WDR70: variants seen among roughly 807,000 people sequenced by gnomAD.
WDR70 encodes WD repeat-containing protein 70.
In WDR70, 53 loss-of-function variants were observed where a neutral mutation model predicts 88.6. The observed-to-expected ratio is 0.60, with a 90% CI of 0.48 to 0.75. WDR70 has a LOEUF of 0.75. Among genes scored for constraint, WDR70 ranks in the 30% least tolerant of loss-of-function variants. WDR70 has a pLI of 0.00. For missense variants in WDR70, 610 were observed against 823.2 expected (o/e 0.74, Z 3.17); for synonymous variants, 280 against 270.0 (o/e 1.04, Z -0.36).
At chr5:37,460,657 A>G (rs1358617283) in intron 7 of WDR70, among the ~76,000 whole-genome samples, 2 of 71,730 alleles carry the variant, frequency 2.8e-5, no homozygotes, top group South Asian at 2.0e-3. Context: ...AACCTGCACA[A>G]TGTGCACATG....
intron 8 of WDR70, among the ~76,000 whole-genome samples, chr5:37,495,442 A>G (rs1446238313): frequency 1.3e-5 from 2 of 148,316 alleles, no homozygotes; most frequent in East Asian, 4.0e-4. Flanking sequence ...ATTATCAGCA[A>G]TCTCTCTCTC....
intron 7 of WDR70, among the ~76,000 whole-genome samples, chr5:37,479,044 G>T (rs1739573553): frequency 6.6e-6 from 1 of 152,152 alleles, no homozygotes; most frequent in Non-Finnish European, 1.5e-5. Context: ...GAAGATAGTA[G>T]AAGTTCCTGA....
At position 37,433,683 on chromosome 5, in the gene WDR70, T is replaced by C. The variant is rs527889045; in HGVS notation, c.493-4239T>C. Among the ~76,000 whole-genome samples, 38 of 152,358 alleles carry C rather than the reference T, an allele frequency of 2.5e-4. 1 individual carries two copies. In the South Asian group the frequency reaches 7.0e-3, roughly 28 times the overall value. ...AAGATTTATATTATTCTCTCCTGGA[T>C]GTTCATCATATTCATCTAGATAACC... On this transcript the variant is annotated intron_variant, in intron 5 of 17. Coordinates refer to ENST00000265107, the MANE Select transcript of WDR70 (RefSeq NM_018034.4).
At chr5:37,740,476 C>CT (rs1290115410) in intron 17 of WDR70, among the ~76,000 whole-genome samples, 2 of 152,118 alleles carry the variant, frequency 1.3e-5, no homozygotes, top group Non-Finnish European at 2.9e-5. Flanking sequence ...GTTGAATACT[C>CT]TTTTTTTGAA....
intron 13 of WDR70, among the ~76,000 whole-genome samples, chr5:37,716,124 A>G (rs1747648206): frequency 6.6e-6 from 1 of 152,204 alleles, no homozygotes; most frequent in Non-Finnish European, 1.5e-5. Context: ...CTATATGACA[A>G]AAACCAAACG....
chr5:37,744,253 C>G (rs1157815513), intron 17 of WDR70, among the ~76,000 whole-genome samples: 2 of 152,050 alleles, frequency 1.3e-5, no homozygotes, highest in Non-Finnish European at 2.9e-5. Flanking sequence ...CAAAAAGGCC[C>G]CACAAAAACC....
intron 12 of WDR70, among the ~76,000 whole-genome samples, chr5:37,701,785 C>CAA (rs58402399): frequency 7.8e-5 from 9 of 115,048 alleles, no homozygotes; most frequent in African/African-American, 2.9e-4. Flanking sequence ...GACTCCATCT[C>CAA]AAAAAAAAAA....
At chr5:37,600,623 A>G (rs185595057) in intron 9 of WDR70, among the ~76,000 whole-genome samples, 1 of 152,346 alleles carries the variant, frequency 6.6e-6, no homozygotes, top group East Asian at 1.9e-4. Flanking sequence ...CACTAAAGAA[A>G]GATATGCAAA....
chr5:37,562,721 C>T (rs958423791), intron 9 of WDR70, among the ~76,000 whole-genome samples: 8 of 152,052 alleles, frequency 5.3e-5, no homozygotes, highest in Non-Finnish European at 7.4e-5. Context: ...CCATTCAACC[C>T]TGAGTGGACA....
At chr5:37,550,588 A>G (rs1307048379) in intron 9 of WDR70, among the ~76,000 whole-genome samples, 3 of 152,136 alleles carry the variant, frequency 2.0e-5, no homozygotes, top group Non-Finnish European at 4.4e-5. Context: ...ATTGGCATGG[A>G]ATATCTTTTT....
chr5:37,449,216 G>A (rs1355160216), intron 7 of WDR70, among the ~76,000 whole-genome samples: 1 of 152,160 alleles, frequency 6.6e-6, no homozygotes, highest in Non-Finnish European at 1.5e-5. Flanking sequence ...GTGATTGGGA[G>A]CTCTTTTAGT....
Position 37,467,860 on chromosome 5 carries a change from G to A in WDR70, c.687-11974G>A, listed in dbSNP as rs1393959147. On this transcript the variant is annotated intron_variant, in intron 7 of 17. Transcript: ENST00000265107. ...CTCCCGAGTAGCTGGGATTACAGGC[G>A]CCCGCCACCGCGCCCAGCTAATTTT... Among the ~76,000 whole-genome samples the A allele has an allele frequency of 2.0e-5, 3 of 151,958 alleles. 1 individual carries two copies. The highest frequency in any genetic ancestry group is 3.9e-4 in the East Asian group (2 of 5,192).
At chr5:37,621,992 T>C (rs556127294) in intron 10 of WDR70, among the ~76,000 whole-genome samples, 1 of 152,300 alleles carries the variant, frequency 6.6e-6, no homozygotes, top group South Asian at 2.1e-4. Flanking sequence ...GGGAATAGTT[T>C]CCCCATTTCT....
At chr5:37,490,983 C>A (rs1740048575) in intron 8 of WDR70, among the ~76,000 whole-genome samples, 1 of 152,078 alleles carries the variant, frequency 6.6e-6, no homozygotes, top group Non-Finnish European at 1.5e-5. Flanking sequence ...GGGGTCTGGG[C>A]TCTCAAATTC....
chr5:37,731,662 G>C (rs942417310), intron 17 of WDR70, among the ~76,000 whole-genome samples: 5 of 152,018 alleles, frequency 3.3e-5, no homozygotes, highest in Admixed American at 2.6e-4. Flanking sequence ...AACAGTCATA[G>C]TTTAAATTTT....
At chr5:37,385,347 C>T (rs888730051) in intron 3 of WDR70, among the ~76,000 whole-genome samples, 25 of 151,528 alleles carry the variant, frequency 1.6e-4, no homozygotes, top group South Asian at 1.3e-3. Context: ...ACAGTGAGAT[C>T]CCATTCAAAA....
chr5:37,568,276 A>G (rs1287480427), intron 9 of WDR70, among the ~76,000 whole-genome samples: 1 of 152,156 alleles, frequency 6.6e-6, no homozygotes, highest in African/African-American at 2.4e-5. Context: ...GTGTTTGGGA[A>G]GTGGCAGCTG....
At chr5:37,501,826 G>C (rs1375032795) in intron 8 of WDR70, among the ~76,000 whole-genome samples, 2 of 152,090 alleles carry the variant, frequency 1.3e-5, no homozygotes, top group Non-Finnish European at 2.9e-5. Flanking sequence ...CCAGTACTAT[G>C]CTGTTTTGGT....
At chr5:37,552,641 AT>A (rs1412661882) in intron 9 of WDR70, among the ~76,000 whole-genome samples, 1 of 151,920 alleles carries the variant, frequency 6.6e-6, no homozygotes, top group African/African-American at 2.4e-5. Context: ...AAGATGATAG[AT>A]ACAGGTTTGC....
Sources: allele counts gnomAD v4.1 joint callset (sites outside exome capture counted in the v4.1 genomes callset), GRCh38; gene constraint gnomAD v4.1.1; transcripts MANE v1.5; gene names NCBI Gene and HGNC (gene_info 2026-07-23, HGNC 2026-07-21).